The following ADGRV1 variants were observed in gnomAD, a reference collection of about 807,000 sequenced individuals.
ADGRV1 encodes adhesion G protein-coupled receptor V1.
In ADGRV1, 359 loss-of-function variants were observed where a neutral mutation model predicts 596.2. The ratio of observed to expected loss-of-function variants is 0.60; its 90% CI spans 0.55 to 0.66. The LOEUF (loss-of-function observed/expected upper bound fraction) is 0.66, where lower values mean the gene tolerates loss of function less well. Among genes scored for constraint, ADGRV1 ranks in the 30% least tolerant of loss-of-function variants. The probability of loss-of-function intolerance (pLI) is 0.00; values close to 1 mark genes in which losing one functional copy is unlikely to be tolerated. For synonymous variants in ADGRV1, 2,681 were observed against 2,679.2 expected (o/e 1.00, Z -0.02); for missense variants, 7,274 against 7,575.6 (o/e 0.96, Z 1.48).
At chr5:90,671,941 G>A (rs1451800619) in intron 21 of ADGRV1, among the ~76,000 whole-genome samples, 1 of 152,020 alleles carries the variant, frequency 6.6e-6, no homozygotes, top group East Asian at 1.9e-4. Context: ...AATATATTAA[G>A]CATGGTATAA....
intron 76 of ADGRV1, among the ~76,000 whole-genome samples, chr5:90,824,203 A>G (rs1342882389): frequency 3.3e-5 from 5 of 152,212 alleles, no homozygotes; most frequent in Non-Finnish European, 7.3e-5. Flanking sequence ...TAGTCATGGC[A>G]TGGCCACTGG....
intron 75 of ADGRV1, among the ~76,000 whole-genome samples, chr5:90,821,226 C>T (rs1447112155): frequency 4.0e-5 from 6 of 150,272 alleles, no homozygotes; most frequent in African/African-American, 1.5e-4. Context: ...GAGGCTTCTG[C>T]ATTCTTCACG....
At chr5:90,807,458 C>T (rs1054481131) in intron 72 of ADGRV1, 144 bp from the exon 73 acceptor site, 48 of 728,034 alleles carry the variant, frequency 6.6e-5, no homozygotes, top group Middle Eastern at 3.9e-4. Context: ...ACCTCTCCCC[C>T]GACCCCTTTT....
At chr5:90,718,803 G>A (rs1750509880) in intron 43 of ADGRV1, among the ~76,000 whole-genome samples, 1 of 149,374 alleles carries the variant, frequency 6.7e-6, no homozygotes, top group Non-Finnish European at 1.5e-5. Flanking sequence ...TTTTTTTACT[G>A]TGACTTTTTT....
chr5:91,062,904 G>A (rs1787565319), intron 85 of ADGRV1, among the ~76,000 whole-genome samples: 2 of 150,562 alleles, frequency 1.3e-5, no homozygotes, highest in African/African-American at 4.9e-5. Flanking sequence ...AGTTAATTAG[G>A]TTAAGCTACT....
At chr5:90,943,198 C>A (rs12055217) in intron 83 of ADGRV1, among the ~76,000 whole-genome samples, 17,738 of 123,140 alleles carry the variant, frequency 0.14, 1,065 homozygotes, top group Middle Eastern at 0.31. Flanking sequence ...GCCTCTACAA[C>A]TTCACTTGTA....
chr5:90,642,428 C>T (rs1412118280), intron 11 of ADGRV1, among the ~76,000 whole-genome samples: 1 of 152,066 alleles, frequency 6.6e-6, no homozygotes, highest in Non-Finnish European at 1.5e-5. Flanking sequence ...GTAATGAATT[C>T]AGAAATAGAA....
Position 90,627,244 on chromosome 5 carries a change from C to T in ADGRV1, c.706C>T (p.Leu236=), listed in dbSNP as rs746279050. The part of the protein sequence containing the change: ...PENDEIFLIQ[L]KSVEGGAEIN... ...AAATGATGAAATATTTTTAATTCAA[C>T]TGAAAAGTGTAGAAGGAGGAGCTGA... The change falls in exon 7 of 90, where the codon CTG becomes TTG. Residue 236 remains leucine (L), a synonymous_variant. Coordinates refer to ENST00000405460, the MANE Select transcript of ADGRV1 (RefSeq NM_032119.4). The T allele has an allele frequency of 1.3e-6, 2 of 1,557,204 alleles. No homozygotes were observed. The highest frequency in any genetic ancestry group is 1.9e-5 in the Admixed American group (1 of 51,438).
intron 83 of ADGRV1, among the ~76,000 whole-genome samples, chr5:90,902,286 T>G (rs953816582): frequency 1.3e-5 from 2 of 152,296 alleles, no homozygotes; most frequent in South Asian, 2.1e-4. Context: ...CACCTACCTG[T>G]GGAAGGTTAC....
chr5:90,635,073 C>A (rs542444010), intron 9 of ADGRV1, 41 bp from the exon 10 acceptor site: 2 of 1,319,710 alleles, frequency 1.5e-6, no homozygotes, highest in African/African-American at 1.5e-5. Context: ...AATTTATATT[C>A]TATCAATTCT....
chr5:90,777,801 A>T, intron 61 of ADGRV1, 104 bp from the exon 62 acceptor site: 2 of 1,062,656 alleles, frequency 1.9e-6, no homozygotes, highest in Non-Finnish European at 2.6e-6. Context: ...GAAAACTGTT[A>T]TTGAAATGGA....
chr5:91,077,031 A>G (rs1788921956), intron 86 of ADGRV1, among the ~76,000 whole-genome samples: 1 of 152,118 alleles, frequency 6.6e-6, no homozygotes, highest in Non-Finnish European at 1.5e-5. Flanking sequence ...TCTCTTTGAA[A>G]CTTTTTGCTA....
chr5:90,846,461 G>A (rs974976054), intron 78 of ADGRV1: 3 of 174,422 alleles, frequency 1.7e-5, no homozygotes, highest in Non-Finnish European at 3.5e-5. Flanking sequence ...CCTGTGTCCG[G>A]AATTGGTGGG....
At chr5:90,845,797 G>A (rs943478182) in intron 78 of ADGRV1, among the ~76,000 whole-genome samples, 7 of 152,022 alleles carry the variant, frequency 4.6e-5, no homozygotes, top group African/African-American at 1.7e-4. Flanking sequence ...TTAGGGATTT[G>A]TCAAGATTTG....
At chr5:90,871,696 C>G (rs1016618218) in intron 83 of ADGRV1, among the ~76,000 whole-genome samples, 1 of 152,170 alleles carries the variant, frequency 6.6e-6, no homozygotes, top group Non-Finnish European at 1.5e-5. Context: ...AAAAGCCTTC[C>G]TTCCTTGATG....
intron 3 of ADGRV1, 39 bp downstream of exon 3, chr5:90,617,992 GACTTATAAA>G: frequency 6.8e-7 from 1 of 1,463,358 alleles, no homozygotes; most frequent in Non-Finnish European, 9.2e-7. Context: ...TTATAAGGAG[GACTTATAAA>G]ACTTATAAAA....
rs1344458693 is a variant in ADGRV1 at position 90,712,332 on chromosome 5, A to G, written c.9088A>G (p.Met3030Val). The change falls in exon 42 of 90, where the codon ATG becomes GTG. Residue 3030 changes from methionine to valine, a missense_variant. Met to Val is a conservative substitution (Grantham distance 21, BLOSUM62 1). Around this residue, in one of 5 missense-constraint regions of ADGRV1, gnomAD observed 3,643 missense variants for 3,809.2 expected, o/e 0.96. Coordinates refer to ENST00000405460, the MANE Select transcript of ADGRV1 (RefSeq NM_032119.4). ...DGERYKNVNI[M>V]ILDDDIPEGD... ...AGAAAGGTATAAAAATGTCAATATC[A>G]TGATTCTTGATGATGACATTCCAGA... 3.2e-6 allele frequency: 5 copies of G among 1,558,978 alleles called. No individual in the cohort carries two copies. In the East Asian group the frequency reaches 7.0e-5, roughly 22 times the overall value.
At chr5:90,847,906 A>G (rs1297049294) in intron 78 of ADGRV1, among the ~76,000 whole-genome samples, 3 of 152,240 alleles carry the variant, frequency 2.0e-5, no homozygotes, top group South Asian at 4.2e-4. Flanking sequence ...AGGGGCTCCC[A>G]CAGTGCAGCG....
chr5:90,857,115 T>G (rs569048215), intron 82 of ADGRV1, among the ~76,000 whole-genome samples: 3 of 152,278 alleles, frequency 2.0e-5, no homozygotes, highest in Non-Finnish European at 4.4e-5. Context: ...AGATAATAAC[T>G]TCTTATTCTT....
Sources: gnomAD v4.1 joint callset for allele counts (sites outside exome capture counted in the v4.1 genomes callset) on GRCh38, gnomAD v4.1.1 for gene constraint, gnomAD v4.1.1 regional missense constraint, MANE v1.5 for transcripts, NCBI Gene and HGNC (gene_info 2026-07-23, HGNC 2026-07-21) for gene names.